Variants in CRK observed in about 807,000 individuals in gnomAD.
CRK encodes CRK proto-oncogene, adaptor protein.
Under a neutral mutation model 29.8 loss-of-function variants are expected in CRK, and 4 were observed. That is an observed-to-expected ratio of 0.13 (90% CI 0.07 to 0.31). The LOEUF (loss-of-function observed/expected upper bound fraction) is 0.31. CRK is among the 10% of genes least tolerant of loss of function. The pLI is 1.00. For synonymous variants in CRK, 153 were observed against 164.9 expected (o/e 0.93, Z 0.55); for missense variants, 274 against 396.5 (o/e 0.69, Z 2.62).
At chr17:1,436,174 C>G (rs967719813) in intron 2 of CRK, among the ~76,000 whole-genome samples, 2 of 152,092 alleles carry the variant, frequency 1.3e-5, no homozygotes, top group African/African-American at 4.8e-5. Flanking sequence ...TGGTAAGGAA[C>G]TTCAAGTCCC....
intron 2 of CRK, among the ~76,000 whole-genome samples, chr17:1,431,555 A>G (rs942417248): frequency 6.6e-6 from 1 of 151,930 alleles, no homozygotes; most frequent in Non-Finnish European, 1.5e-5. Context: ...CCCCATCTCT[A>G]CTAAAAATAC....
chr17:1,440,846 G>A (rs944665859), intron 1 of CRK, among the ~76,000 whole-genome samples: 8 of 152,214 alleles, frequency 5.3e-5, no homozygotes, highest in African/African-American at 9.6e-5. Flanking sequence ...CAAGGCTACC[G>A]TGAGTCGTGA....
intron 2 of CRK, 148 bp from the exon 3 acceptor site, chr17:1,423,798 A>G: frequency 1.1e-6 from 1 of 911,356 alleles, no homozygotes; most frequent in Non-Finnish European, 1.6e-6. Context: ...AGCCCCAGCC[A>G]CCAGACTGAT....
rs1318626913 is a variant in CRK at position 1,432,333 on chromosome 17, A to T, written c.777+4287T>A. On this transcript the variant is annotated intron_variant, in intron 2 of 2. Coordinates refer to ENST00000300574, the MANE Select transcript of CRK (RefSeq NM_016823.4). The stretch of plus-strand genomic sequence containing the variant: ...GCGAAATCCCATCTCTACTAAAAAT[A>T]AAAAAATTAGCCAGGCGTGGTGGTG... Among the ~76,000 whole-genome samples, 5 of 151,618 alleles carry T rather than the reference A, an allele frequency of 3.3e-5. No homozygotes were observed. In the East Asian group the frequency reaches 5.8e-4, roughly 18 times the overall value.
At position 1,455,929 on chromosome 17, in the gene CRK, G is replaced by A. The variant is rs1212956706; in HGVS notation, c.189C>T (p.Asn63=). 1 of 1,594,658 alleles carries A rather than the reference G, an allele frequency of 6.3e-7. No homozygotes were observed. Among genetic ancestry groups the A allele is most frequent in the South Asian group, 1.1e-5 (1 of 88,986 alleles). ...GCACCGGCGGGCGCGGGCCGCTGCT[G>A]TTGATGATGTAGTGGGAGACGCGCG... ...ENSRVSHYII[N]SSGPRPPVPP... is the part of the protein sequence containing the mutation. The change falls in exon 1 of 3, where the codon AAC becomes AAT. Residue 63 remains asparagine (N), a synonymous_variant. Transcript: ENST00000300574.
intron 1 of CRK, among the ~76,000 whole-genome samples, chr17:1,449,156 T>C (rs2073999365): frequency 6.6e-6 from 1 of 152,152 alleles, no homozygotes; most frequent in African/African-American, 2.4e-5. Flanking sequence ...AAGCACGTTT[T>C]ATGCCCCCCT....
chr17:1,430,571 T>C (rs1239963254), intron 2 of CRK, among the ~76,000 whole-genome samples: 4 of 141,780 alleles, frequency 2.8e-5, no homozygotes, highest in East Asian at 2.2e-4. Flanking sequence ...TTCACAGTAT[T>C]AGCCAGGATG....
At position 1,436,690 on chromosome 17, in the gene CRK, C is replaced by T; in HGVS notation, c.707G>A (p.Gly236Glu). The T allele has an allele frequency of 6.2e-7, 1 of 1,612,592 alleles. No individual in the cohort carries two copies. Among genetic ancestry groups the T allele is most frequent in the South Asian group, 1.1e-5 (1 of 90,932 alleles). ...CTGGATAACCCTGGCATATATGGGC[C>T]CATTCTGGAGGTTAGGGAGCGGAGT... ...VNTPLPNLQN[G>E]PIYARVIQKR... The change falls in exon 2 of 3, where the codon GGG (glycine) becomes GAG (glutamate). Residue 236 changes from glycine to glutamate, a missense_variant. By Grantham distance (98) the Gly-to-Glu change is moderately conservative. Coordinates refer to ENST00000300574, the MANE Select transcript of CRK (RefSeq NM_016823.4).
At chr17:1,445,090 G>T (rs959770473) in intron 1 of CRK, among the ~76,000 whole-genome samples, 1 of 151,822 alleles carries the variant, frequency 6.6e-6, no homozygotes, top group African/African-American at 2.4e-5. Flanking sequence ...AGAGCTTGCA[G>T]TGAGCCAAGA....
chr17:1,434,719 GT>G (rs1214382921), intron 2 of CRK, among the ~76,000 whole-genome samples: 2 of 150,168 alleles, frequency 1.3e-5, no homozygotes, highest in Non-Finnish European at 3.0e-5. Flanking sequence ...GGAGGCGGAG[GT>G]TGCAGTGAGC....
chr17:1,433,248 C>T (rs992366024), intron 2 of CRK, among the ~76,000 whole-genome samples: 3 of 152,134 alleles, frequency 2.0e-5, no homozygotes, highest in Non-Finnish European at 2.9e-5. Flanking sequence ...TCTTTGCTGG[C>T]GCAAACCCAG....
intron 2 of CRK, among the ~76,000 whole-genome samples, chr17:1,429,285 G>GT (rs1555652114): frequency 2.9e-4 from 44 of 150,572 alleles, no homozygotes; most frequent in Non-Finnish European, 3.7e-4. Flanking sequence ...TGAGTCCAGG[G>GT]TTTTTTTTTC....
At chr17:1,428,980 G>A (rs568437495) in intron 2 of CRK, among the ~76,000 whole-genome samples, 2 of 151,388 alleles carry the variant, frequency 1.3e-5, no homozygotes, top group East Asian at 2.0e-4. Context: ...TGAGTAGCTG[G>A]GATTACTGGC....
At chr17:1,430,555 T>C (rs774437025) in intron 2 of CRK, among the ~76,000 whole-genome samples, 59 of 146,980 alleles carry the variant, frequency 4.0e-4, no homozygotes, top group South Asian at 1.1e-3. Flanking sequence ...TTAGTAGAGA[T>C]GGGATTTCAC....
intron 2 of CRK, among the ~76,000 whole-genome samples, chr17:1,434,819 A>C (rs1245252988): frequency 1.3e-5 from 2 of 151,794 alleles, no homozygotes; most frequent in Non-Finnish European, 2.9e-5. Flanking sequence ...ATCCAAAAAA[A>C]CCCAATACCC....
At chr17:1,446,886 C>CCCG (rs1285395695) in intron 1 of CRK, among the ~76,000 whole-genome samples, 1 of 152,202 alleles carries the variant, frequency 6.6e-6, no homozygotes, top group East Asian at 1.9e-4. Flanking sequence ...AGCCACCACG[C>CCCG]CCGGCCGTGA....
intron 2 of CRK, among the ~76,000 whole-genome samples, chr17:1,432,392 G>A (rs1470887947): frequency 6.7e-6 from 1 of 150,278 alleles, no homozygotes; most frequent in African/African-American, 2.5e-5. Flanking sequence ...GGGAGGTTGA[G>A]GCACGAGAAT....
At position 1,455,885 on chromosome 17, in the gene CRK, G is replaced by A; in HGVS notation, c.233C>T (p.Pro78Leu). 1 of 1,585,972 alleles carries A rather than the reference G, an allele frequency of 6.3e-7. No individual in the cohort carries two copies. The highest frequency in any genetic ancestry group is 8.6e-7 in the Non-Finnish European group (1 of 1,168,476). Residue 78 changes from proline to leucine, a missense_variant, in exon 1 of 3, where the codon CCT becomes CTT. Coordinates refer to ENST00000300574, the MANE Select transcript of CRK (RefSeq NM_016823.4). Reference sequence around the variant, plus strand: ...TCCCGTCAGTCCCTCACCGGGCGGAGGCTGGGCGGGCGACGGTGGCACCGG... The same window carrying A: ...TCCCGTCAGTCCCTCACCGGGCGGAAGCTGGGCGGGCGACGGTGGCACCGG... ...RPPVPPSPAQ[P>L]PPGVSPSRLR...
rs1035971043 is a variant in CRK at position 1,436,566 on chromosome 17, C to T, written c.777+54G>A. 22 of 1,529,772 alleles carry T rather than the reference C, an allele frequency of 1.4e-5. 1 individual carries two copies. Among genetic ancestry groups the T allele is most frequent in the South Asian group, 1.3e-4 (10 of 76,326 alleles). 94.8% of individuals were successfully genotyped at this position (1,529,772 alleles called of 1,614,324 possible). On this transcript the variant is annotated intron_variant, in intron 2 of 2. Coordinates refer to ENST00000300574, the MANE Select transcript of CRK (RefSeq NM_016823.4). ...CATTGCTACAAAGCTCTAAGAGGACCGAGAGGAGACCCTGCAGCAGATCTC... is the reference window on the plus strand; with the variant it reads ...CATTGCTACAAAGCTCTAAGAGGACTGAGAGGAGACCCTGCAGCAGATCTC...
Sources: allele counts gnomAD v4.1 joint callset (sites outside exome capture counted in the v4.1 genomes callset), GRCh38; gene constraint gnomAD v4.1.1; transcripts MANE v1.5; gene names NCBI Gene and HGNC (gene_info 2026-07-23, HGNC 2026-07-21).